The following FIG4 variants were observed in gnomAD, a reference collection of about 807,000 sequenced individuals.
The protein encoded by FIG4 is polyphosphoinositide phosphatase.
Under a neutral mutation model 118.6 loss-of-function variants are expected in FIG4, and 112 were observed. The ratio of observed to expected loss-of-function variants is 0.94; its 90% CI spans 0.81 to 1.11. The LOEUF (loss-of-function observed/expected upper bound fraction) is 1.11, where lower values mean the gene tolerates loss of function less well. FIG4 is among the 50% of genes least tolerant of loss of function. FIG4 has a pLI of 0.00. For missense variants in FIG4, 969 were observed against 1,111.7 expected, an observed-to-expected ratio of 0.87 and a Z score of 1.83; for synonymous variants, 369 against 381.2, an observed-to-expected ratio of 0.97 and a Z score of 0.37.
chr6:109,797,179 C>G (rs992611943), intron 22 of FIG4, among the ~76,000 whole-genome samples: 3 of 152,124 alleles, frequency 2.0e-5, no homozygotes, highest in African/African-American at 7.2e-5. Context: ...TAATACAAGA[C>G]CTTTGAGGAT....
intron 22 of FIG4, among the ~76,000 whole-genome samples, chr6:109,804,909 G>A (rs961401127): frequency 3.3e-5 from 5 of 152,060 alleles, no homozygotes; most frequent in East Asian, 3.8e-4. Context: ...AGTCCATACC[G>A]TGATACTAAT....
intron 22 of FIG4, 149 bp from the exon 23 acceptor site, chr6:109,824,939 G>A (rs1305265170): frequency 1.3e-5 from 9 of 712,956 alleles, no homozygotes; most frequent in African/African-American, 1.8e-5. Context: ...AACCAGCCTC[G>A]CAAGGACTGG....
intron 21 of FIG4, among the ~76,000 whole-genome samples, chr6:109,794,920 G>A (rs192147131): frequency 7.2e-5 from 11 of 152,108 alleles, no homozygotes; most frequent in Admixed American, 5.2e-4. Flanking sequence ...CCTACCTTAG[G>A]CCTTGCCCAC....
Position 109,762,765 on chromosome 6 carries a change from T to C in FIG4, c.1388+558T>C, listed in dbSNP as rs569721991. ...GTCTTTGGAAGTAATCCCTTTGTTATAGTTTGCATTGTTTGCACTTGTTTA... is the reference window on the plus strand; with the variant it reads ...GTCTTTGGAAGTAATCCCTTTGTTACAGTTTGCATTGTTTGCACTTGTTTA... On this transcript the variant is annotated intron_variant, in intron 12 of 22. Coordinates refer to ENST00000230124, the MANE Select transcript of FIG4 (RefSeq NM_014845.6). Among the ~76,000 whole-genome samples the C allele has an allele frequency of 4.6e-5, 7 of 152,152 alleles. No individual in the cohort carries two copies. In the South Asian group the frequency reaches 1.5e-3, roughly 32 times the overall value.
chr6:109,703,571 A>G (rs955307361), intron 1 of FIG4, among the ~76,000 whole-genome samples: 2 of 152,210 alleles, frequency 1.3e-5, no homozygotes, highest in African/African-American at 4.8e-5. Context: ...AAACAAACAT[A>G]AAAAACTTTA....
At chr6:109,810,542 T>C (rs897007957) in intron 22 of FIG4, among the ~76,000 whole-genome samples, 7 of 152,202 alleles carry the variant, frequency 4.6e-5, no homozygotes, top group Non-Finnish European at 1.5e-5. Flanking sequence ...GTTGTTTAAG[T>C]CACGTGAAGG....
intron 3 of FIG4, among the ~76,000 whole-genome samples, chr6:109,718,551 G>A (rs1562644082): frequency 6.6e-6 from 1 of 152,106 alleles, no homozygotes. Context: ...CTCTTCATAC[G>A]TAATCCCTTT....
intron 22 of FIG4, among the ~76,000 whole-genome samples, chr6:109,823,690 G>A (rs999424790): frequency 6.6e-6 from 1 of 152,006 alleles, no homozygotes; most frequent in East Asian, 1.9e-4. Context: ...CTGACTACAG[G>A]GAATCTCCAC....
chr6:109,714,286 C>T (rs950602721), intron 1 of FIG4, among the ~76,000 whole-genome samples: 1 of 152,238 alleles, frequency 6.6e-6, no homozygotes, highest in South Asian at 2.1e-4. Flanking sequence ...ATGCAGGGTT[C>T]CCAGCTTCTT....
intron 11 of FIG4, 131 bp downstream of exon 11, chr6:109,760,514 T>C: frequency 1.2e-6 from 1 of 832,744 alleles, no homozygotes; most frequent in Non-Finnish European, 2.0e-6. Context: ...GAGGGGCTGT[T>C]TTGAGTGCAT....
chr6:109,810,048 T>C (rs1778677995), intron 22 of FIG4, among the ~76,000 whole-genome samples: 1 of 152,116 alleles, frequency 6.6e-6, no homozygotes, highest in Admixed American at 6.6e-5. Context: ...AAACACTGAC[T>C]CTGTGTCTCC....
At chr6:109,718,433 T>C (rs1038695975) in intron 3 of FIG4, among the ~76,000 whole-genome samples, 3 of 152,224 alleles carry the variant, frequency 2.0e-5, no homozygotes, top group Admixed American at 6.5e-5. Context: ...CAGATTCTTA[T>C]TTTGGGTCTT....
intron 22 of FIG4, among the ~76,000 whole-genome samples, chr6:109,822,059 G>C (rs1779021368): frequency 6.6e-6 from 1 of 152,118 alleles, no homozygotes; most frequent in African/African-American, 2.4e-5. Context: ...GAAAGAAAAA[G>C]AAAGATGAGA....
intron 22 of FIG4, among the ~76,000 whole-genome samples, chr6:109,802,202 A>T (rs547400429): frequency 6.6e-6 from 1 of 151,962 alleles, no homozygotes; most frequent in South Asian, 2.1e-4. Context: ...CTTTTTCCAG[A>T]TATCTTTTCT....
chr6:109,764,125 T>C, intron 13 of FIG4, 143 bp downstream of exon 13: 2 of 656,014 alleles, frequency 3.0e-6, no homozygotes, highest in South Asian at 3.7e-5. Flanking sequence ...GCCTTACTTC[T>C]AGTCTTTAAT....
At chr6:109,735,093 G>C in intron 5 of FIG4, 57 bp from the exon 6 acceptor site, 1 of 1,466,792 alleles carries the variant, frequency 6.8e-7, no homozygotes, top group Non-Finnish European at 9.5e-7. Context: ...TGGGCGCCAA[G>C]ACCATGAAAT....
chr6:109,693,111 A>T (rs1291645452), intron 1 of FIG4, among the ~76,000 whole-genome samples: 1 of 148,560 alleles, frequency 6.7e-6, no homozygotes, highest in Non-Finnish European at 1.5e-5. Context: ...CAGTGGTCCC[A>T]ATTCTGAAGC....
intron 11 of FIG4, among the ~76,000 whole-genome samples, chr6:109,760,654 C>A (rs1193277011): frequency 6.6e-6 from 1 of 152,002 alleles, no homozygotes; most frequent in East Asian, 1.9e-4. Context: ...TTGCTTTTTT[C>A]TATATCATTC....
chr6:109,760,067 A>C lies in FIG4; in HGVS notation c.1138-183A>C, dbSNP rs538894803. 2.6e-5 allele frequency among the ~76,000 whole-genome samples: 4 copies of C among 152,338 alleles called. No homozygotes were observed. The East Asian group carries it at 7.7e-4, about 29-fold the overall frequency. On this transcript the variant is annotated intron_variant, in intron 10 of 22. Coordinates refer to ENST00000230124, the MANE Select transcript of FIG4 (RefSeq NM_014845.6). ...TCAAAGTTCATTAGCTGTTCACTTTAATACAATGGAGCATTTATTTCTTTG... is the reference window on the plus strand; with the variant it reads ...TCAAAGTTCATTAGCTGTTCACTTTCATACAATGGAGCATTTATTTCTTTG...
Sources: gnomAD v4.1 joint callset for allele counts (sites outside exome capture counted in the v4.1 genomes callset) on GRCh38, gnomAD v4.1.1 for gene constraint, MANE v1.5 for transcripts, NCBI Gene and HGNC (gene_info 2026-07-23, HGNC 2026-07-21) for gene names.